Variants in AIFM1 observed in about 807,000 individuals in gnomAD.
The protein encoded by AIFM1 is apoptosis-inducing factor 1, mitochondrial.
AIFM1 carries 3 observed loss-of-function variants against 51.7 expected under a neutral mutation model. That is an observed-to-expected ratio of 0.06 (90% CI 0.03 to 0.15). AIFM1 has a LOEUF of 0.15. AIFM1 is among the 10% of genes least tolerant of loss of function. The pLI is 1.00. For synonymous variants in AIFM1, 178 were observed against 179.4 expected (o/e 0.99, Z 0.06); for missense variants, 330 against 476.8 (o/e 0.69, Z 2.87).
At chrX:130,152,657 GC>G (rs749914395) in intron 2 of AIFM1, among the ~76,000 whole-genome samples, 9 of 112,007 alleles carry the variant, frequency 8.0e-5, no homozygotes, top group Non-Finnish European at 5.6e-5. Context: ...CTTTGGCTCT[GC>G]CCACCAACAA....
At chrX:130,146,988 C>T (rs1466851246) in intron 5 of AIFM1, among the ~76,000 whole-genome samples, 3 of 111,003 alleles carry the variant, frequency 2.7e-5, no homozygotes, top group African/African-American at 9.8e-5. Flanking sequence ...GATAAAACCC[C>T]ATCTCTACTA....
chrX:130,155,917 TC>T (rs1010421358), intron 2 of AIFM1, among the ~76,000 whole-genome samples: 1 of 112,465 alleles, frequency 8.9e-6, no homozygotes, highest in Admixed American at 9.5e-5. Context: ...ATTTCTCACC[TC>T]AAACAAACTC....
At position 130,139,901 on chromosome X, in the gene AIFM1, C is replaced by T. The variant is rs371299100; in HGVS notation, c.782-30G>A. The T allele has an allele frequency of 9.5e-6, 11 of 1,156,268 alleles. No homozygotes were observed. The African/African-American group carries it at 1.6e-4, about 17-fold the overall frequency. ...AAATAAGAGAAGGAAAACCCTTTAG[C>T]CCAACAAGCAGGAGCCAGCCCAAAC... On this transcript the variant is annotated intron_variant, in intron 7 of 15. Transcript: ENST00000287295.
chrX:130,139,552 A>G (rs761430921), intron 8 of AIFM1, among the ~76,000 whole-genome samples: 9 of 111,471 alleles, frequency 8.1e-5, no homozygotes, highest in Admixed American at 1.9e-4. Flanking sequence ...TGGAAGAGCA[A>G]TCAGAAGGAT....
chrX:130,148,765 G>A (rs1343165711), intron 3 of AIFM1, among the ~76,000 whole-genome samples: 22 of 100,294 alleles, frequency 2.2e-4, no homozygotes, highest in Admixed American at 2.2e-4. Context: ...CCCAGGAGGC[G>A]GAGGTTGCAG....
chrX:130,164,167 CAAA>C lies in AIFM1; in HGVS notation c.106+1381_106+1383del, dbSNP rs141655412. 2.9e-3 allele frequency among the ~76,000 whole-genome samples: 219 copies of C among 74,839 alleles called. 1 individual carries two copies. Among genetic ancestry groups the C allele is most frequent in the African/African-American group, 8.2e-3 (192 of 23,422 alleles). 65.0% of individuals were successfully genotyped at this position (74,839 alleles called of 115,157 possible). On this transcript the variant is annotated intron_variant, in intron 1 of 15. Transcript: ENST00000287295. The stretch of plus-strand genomic sequence containing the variant: ...TGGGCGACAAAGCGAGACTCCGTCT[CAAA>C]AAAAAAAAAAAAAAAAATTCAGGTT...
Position 130,138,420 on chromosome X carries a change from G to A in AIFM1, c.967+173C>T, listed in dbSNP as rs186284723. On this transcript the variant is annotated intron_variant, in intron 9 of 15. Coordinates refer to ENST00000287295, the MANE Select transcript of AIFM1 (RefSeq NM_004208.4). ...GCGGAGCTTGCAGTGAGCCGAGATCGCGCCACTGCACTCCAGCCTGGGTGA... is the reference window on the plus strand; with the variant it reads ...GCGGAGCTTGCAGTGAGCCGAGATCACGCCACTGCACTCCAGCCTGGGTGA... Among the ~76,000 whole-genome samples, 26 of 109,825 alleles carry A rather than the reference G, an allele frequency of 2.4e-4. No homozygotes were observed. In the East Asian group the frequency reaches 3.8e-3, roughly 16 times the overall value.
rs966211087 is a variant in AIFM1 at position 130,165,800 on chromosome X, T to C, written c.-144A>G. ...TCCTCCTCCCAGCTCCGGGTGGGCA[T>C]TGGACAGAGAAGCCGGCCTGCTAGA... On this transcript the variant is annotated 5_prime_UTR_variant, in exon 1 of 16. It removes an upstream start codon present in the reference 5' UTR. Coordinates refer to ENST00000287295, the MANE Select transcript of AIFM1 (RefSeq NM_004208.4). The C allele has an allele frequency of 1.6e-5, 9 of 560,558 alleles. No homozygotes were observed. Among genetic ancestry groups the C allele is most frequent in the African/African-American group, 9.0e-5 (4 of 44,243 alleles). 46.2% of individuals were successfully genotyped at this position (560,558 alleles called of 1,213,427 possible). A position where few individuals can be genotyped will look rare whatever the true frequency, so the allele number is the denominator to read the frequency against.
intron 2 of AIFM1, among the ~76,000 whole-genome samples, chrX:130,151,974 G>A (rs1453522184): frequency 9.1e-6 from 1 of 110,319 alleles, no homozygotes; most frequent in African/African-American, 3.3e-5. Flanking sequence ...CTGAGGTGGC[G>A]GCTGCAGTGA....
In AIFM1 at chrX:130,145,515, A is replaced by G; in HGVS notation, c.660T>C (p.Ile220=). Residue 220 remains isoleucine, a synonymous_variant, in exon 6 of 16, where the codon ATT becomes ATC. Coordinates refer to ENST00000287295, the MANE Select transcript of AIFM1 (RefSeq NM_004208.4). Reference sequence around the variant, plus strand: ...TGAGGACAGCCACACCACCATTCTCAATATGAGGCAGGTCCTGAGCAGAGA... The same window carrying G: ...TGAGGACAGCCACACCACCATTCTCGATATGAGGCAGGTCCTGAGCAGAGA... ...FYVSAQDLPH[I]ENGGVAVLTG... The G allele has an allele frequency of 8.3e-7, 1 of 1,209,719 alleles. No individual in the cohort carries two copies. Among genetic ancestry groups the G allele is most frequent in the South Asian group, 1.8e-5 (1 of 56,919 alleles).
chrX:130,144,258 T>C (rs2030677592), intron 6 of AIFM1, among the ~76,000 whole-genome samples: 1 of 111,472 alleles, frequency 9.0e-6, no homozygotes, highest in Non-Finnish European at 1.9e-5. Context: ...ATCTCTGAAA[T>C]GGTCTCTCTC....
At chrX:130,150,509 GTAT>G (rs1377192131) in intron 2 of AIFM1, among the ~76,000 whole-genome samples, 1 of 102,136 alleles carries the variant, frequency 9.8e-6, no homozygotes, top group Admixed American at 1.0e-4. Flanking sequence ...CTAATTTTTT[GTAT>G]TTTTAGTAGA....
chrX:130,155,332 T>C (rs1276168444), intron 2 of AIFM1: 1 of 1,183,177 alleles, frequency 8.5e-7, no homozygotes, highest in Non-Finnish European at 1.1e-6. Flanking sequence ...GGAAACAGAG[T>C]ACTAAGTATT....
chrX:130,135,392 A>G (rs1353337433), intron 12 of AIFM1, among the ~76,000 whole-genome samples: 1 of 98,535 alleles, frequency 1.0e-5, no homozygotes, highest in African/African-American at 3.9e-5. Flanking sequence ...TGGCCCACGT[A>G]TTACTTTTAT....
chrX:130,132,384 C>T (rs926349980), intron 13 of AIFM1, among the ~76,000 whole-genome samples: 2 of 112,354 alleles, frequency 1.8e-5, no homozygotes, highest in Non-Finnish European at 1.9e-5. Flanking sequence ...TTATCCCATG[C>T]CACATTTGGA....
At chrX:130,152,393 AG>A (rs1350592188) in intron 2 of AIFM1, among the ~76,000 whole-genome samples, 3 of 111,815 alleles carry the variant, frequency 2.7e-5, no homozygotes, top group Admixed American at 9.5e-5. Context: ...CTTTCCCCCA[AG>A]GGTTTCTGTA....
In AIFM1 at chrX:130,136,160, G is replaced by A. The variant is rs778329598; in HGVS notation, c.1190C>T (p.Ala397Val). 8.3e-7 allele frequency: 1 copy of A among 1,210,490 alleles called. No homozygotes were observed. The highest frequency in any genetic ancestry group is 1.1e-6 in the Non-Finnish European group (1 of 895,261). Residue 397 changes from alanine (A) to valine (V), a missense_variant, in exon 12 of 16, where the codon GCT (alanine) becomes GTT (valine). Physicochemically the swap from Ala to Val is moderately conservative, Grantham distance 64 (BLOSUM62 0). Coordinates refer to ENST00000287295, the MANE Select transcript of AIFM1 (RefSeq NM_004208.4). ...CTCAACATTGGGCTCCAGGCCCACA[G>A]CTGCCACTATGTGGTCAGTTTCTAC... ...RKVETDHIVA[A>V]VGLEPNVELA...
Position 130,165,733 on chromosome X carries a change from C to T in AIFM1, c.-77G>A. 1.2e-6 allele frequency: 1 copy of T among 842,175 alleles called. No individual in the cohort carries two copies. The allele number at this position is 842,175 out of a possible 1,213,427, so 69.4% of individuals were successfully genotyped here. On this transcript the variant is annotated 5_prime_UTR_variant, in exon 1 of 16. Transcript: ENST00000287295. ...CCGACGGGTCAAACACCGTGAGCCC[C>T]GGCCAGCTCCCCCAGTCTCTTCACA...
At chrX:130,145,657 C>T in intron 5 of AIFM1, 88 bp from the exon 6 acceptor site, 3 of 763,581 alleles carry the variant, frequency 3.9e-6, no homozygotes, top group Non-Finnish European at 5.9e-6. Flanking sequence ...TTTCCATTAT[C>T]AGAAACTTTA....
Sources: allele counts gnomAD v4.1 joint callset (sites outside exome capture counted in the v4.1 genomes callset), GRCh38; gene constraint gnomAD v4.1.1; transcripts MANE v1.5; gene names NCBI Gene and HGNC (gene_info 2026-07-23, HGNC 2026-07-21).